Variants in API5 observed in about 807,000 individuals in gnomAD.
API5 encodes the protein FIF.
In API5, 6 loss-of-function variants were observed where a neutral mutation model predicts 71.9. That is an observed-to-expected ratio of 0.08 (90% CI 0.05 to 0.16). The LOEUF is 0.16. Ranked by LOEUF, API5 falls within the 10% of genes least tolerant of loss-of-function variation. The probability of loss-of-function intolerance (pLI) is 1.00; values close to 1 mark genes in which losing one functional copy is unlikely to be tolerated. For synonymous variants in API5, 189 were observed against 221.3 expected, an observed-to-expected ratio of 0.85 and a Z score of 1.30; for missense variants, 332 against 612.8, an observed-to-expected ratio of 0.54 and a Z score of 4.84.
intron 1 of API5, among the ~76,000 whole-genome samples, chr11:43,313,762 T>C (rs1313885841): frequency 6.6e-6 from 1 of 151,936 alleles, no homozygotes; most frequent in Admixed American, 6.6e-5. Context: ...AGTGTGTAGG[T>C]CGGTTGTGAA....
intron 12 of API5, 31 bp downstream of exon 12, chr11:43,335,385 G>T: frequency 2.2e-6 from 3 of 1,383,512 alleles, no homozygotes; most frequent in South Asian, 1.2e-5. Context: ...AGATTTAAGT[G>T]TTATCAAAAC....
intron 5 of API5, 46 bp downstream of exon 5, chr11:43,322,182 G>A (rs1411574217): frequency 2.0e-6 from 3 of 1,534,390 alleles, no homozygotes; most frequent in South Asian, 1.3e-5. Flanking sequence ...AAGCAAAAGA[G>A]CATACTTGAC....
At chr11:43,320,747 AAAG>A in intron 2 of API5, 71 bp from the exon 3 acceptor site, 1 of 1,260,376 alleles carries the variant, frequency 7.9e-7, no homozygotes, top group South Asian at 1.3e-5. Flanking sequence ...AAAAAAAAAG[AAAG>A]AAAAGAAAAA....
At chr11:43,336,261 A>G (rs1286316027) in intron 13 of API5, 3 of 435,440 alleles carry the variant, frequency 6.9e-6, no homozygotes, top group Non-Finnish European at 8.0e-6. Context: ...ACCAACAGAA[A>G]CAAAATAAGT....
chr11:43,340,027 A>G (rs992482885), intron 13 of API5, among the ~76,000 whole-genome samples: 2 of 152,166 alleles, frequency 1.3e-5, no homozygotes, highest in Non-Finnish European at 2.9e-5. Flanking sequence ...ACATGATGTT[A>G]TATATATAAA....
At chr11:43,328,671 T>C (rs1393177603) in intron 8 of API5, 41 bp from the exon 9 acceptor site, 1 of 1,548,890 alleles carries the variant, frequency 6.5e-7, no homozygotes, top group Non-Finnish European at 8.9e-7. Flanking sequence ...AATTTGAATA[T>C]GTAGAACAGA....
At position 43,328,855 on chromosome 11, in the gene API5, C is replaced by G. The variant is rs770908574; in HGVS notation, c.1089C>G (p.Ala363=). ...LGRKLPDFLT[A]KLNAEKLKDF... Reference sequence around the variant, plus strand: ...GAAAACTTCCAGATTTCTTAACAGCCAAACTGAATGCAGAAAAGCTCAAAG... The same window carrying G: ...GAAAACTTCCAGATTTCTTAACAGCGAAACTGAATGCAGAAAAGCTCAAAG... Residue 363 remains alanine (A), a synonymous_variant, in exon 9 of 14, where the codon GCC becomes GCG. Transcript: ENST00000531273. 6.2e-7 allele frequency: 1 copy of G among 1,613,750 alleles called. No individual in the cohort carries two copies. The highest frequency in any genetic ancestry group is 1.3e-5 in the African/African-American group (1 of 74,776).
rs758561011 is a variant in API5, at chr11:43,323,491, A to G, written c.605A>G (p.Lys202Arg). 7.4e-6 allele frequency: 12 copies of G among 1,614,148 alleles called. No individual in the cohort carries two copies. In the Middle Eastern group the frequency reaches 9.9e-4, roughly 133 times the overall value. The change falls in exon 6 of 14, where the codon AAA (lysine) becomes AGA (arginine). Residue 202 changes from lysine to arginine, a missense_variant. By Grantham distance (26) the Lys-to-Arg change is conservative. Transcript: ENST00000531273. ...VLFMKILSGLKSLQTVSGRQQ... is the reference protein window; with the variant it reads ...VLFMKILSGLRSLQTVSGRQQ... The stretch of plus-strand genomic sequence containing the variant: ...TTTATGAAGATACTGTCTGGGTTAA[A>G]AAGCTTACAGACAGTGAGTGGAAGA...
At chr11:43,324,030 T>G (rs971993261) in intron 6 of API5, among the ~76,000 whole-genome samples, 9 of 152,100 alleles carry the variant, frequency 5.9e-5, no homozygotes, top group Admixed American at 2.6e-4. Context: ...ATTTTTTTTT[T>G]CCTTTGAGAC....
chr11:43,328,926 C>T, intron 9 of API5, 33 bp downstream of exon 9: 1 of 1,608,400 alleles, frequency 6.2e-7, no homozygotes, highest in Non-Finnish European at 8.5e-7. Flanking sequence ...CAATCCTTGG[C>T]AAAGGTGGTA....
At chr11:43,317,339 T>C (rs1304007484) in intron 1 of API5, among the ~76,000 whole-genome samples, 1 of 152,206 alleles carries the variant, frequency 6.6e-6, no homozygotes, top group Non-Finnish European at 1.5e-5. Flanking sequence ...TGGGAACTTA[T>C]TGATTCCTCC....
chr11:43,321,544 T>C (rs1854890941), intron 4 of API5, 68 bp downstream of exon 4: 3 of 1,276,248 alleles, frequency 2.4e-6, no homozygotes, highest in Non-Finnish European at 3.4e-6. Context: ...GTGTTACTCA[T>C]TAAGAATAAA....
chr11:43,342,856 G>T lies in API5; in HGVS notation c.*346G>T. On this transcript the variant is annotated 3_prime_UTR_variant, in exon 14 of 14. Coordinates refer to ENST00000531273, the MANE Select transcript of API5 (RefSeq NM_001142930.2). Reference sequence around the variant, plus strand: ...AATTCAGTCTAGTTCTGCTGATAAAGATCATCAGTTTTGAAAGGTTACTGA... The same window carrying T: ...AATTCAGTCTAGTTCTGCTGATAAATATCATCAGTTTTGAAAGGTTACTGA... 3.7e-6 allele frequency: 2 copies of T among 545,526 alleles called. No homozygotes were observed. The highest frequency in any genetic ancestry group is 6.4e-6 in the Non-Finnish European group (2 of 310,264). The allele number at this position is 545,526 out of a possible 1,614,324, so 33.8% of individuals were successfully genotyped here.
intron 2 of API5, chr11:43,319,083 T>C (rs1854776102): frequency 6.1e-6 from 2 of 328,550 alleles, no homozygotes; most frequent in African/African-American, 4.2e-5. Context: ...GTTTCATAGA[T>C]TGTTATTCAT....
chr11:43,333,590 C>A (rs1565110675), intron 11 of API5, among the ~76,000 whole-genome samples: 1 of 152,092 alleles, frequency 6.6e-6, no homozygotes, highest in Non-Finnish European at 1.5e-5. Flanking sequence ...TGACTGGCTA[C>A]TATTAATACA....
chr11:43,317,780 C>T (rs536608123), intron 1 of API5, among the ~76,000 whole-genome samples: 1 of 152,214 alleles, frequency 6.6e-6, no homozygotes, highest in South Asian at 2.1e-4. Context: ...TGGGTTCAAG[C>T]GATTCTCCTG....
At chr11:43,333,523 A>T (rs1208407269) in intron 11 of API5, among the ~76,000 whole-genome samples, 1 of 152,224 alleles carries the variant, frequency 6.6e-6, no homozygotes. Flanking sequence ...TAGATATATG[A>T]CTGGCTACTA....
intron 11 of API5, among the ~76,000 whole-genome samples, chr11:43,334,379 A>G (rs1194846492): frequency 6.6e-6 from 1 of 152,142 alleles, no homozygotes; most frequent in Non-Finnish European, 1.5e-5. Context: ...ACATTATAAT[A>G]TGCAAAATCA....
At chr11:43,339,262 T>C (rs988355735) in intron 13 of API5, 2 of 152,046 alleles carry the variant, frequency 1.3e-5, no homozygotes, top group African/African-American at 4.8e-5. Flanking sequence ...AAAAAAGACA[T>C]CAAGACATCA....
Sources: allele counts gnomAD v4.1 joint callset (sites outside exome capture counted in the v4.1 genomes callset), GRCh38; gene constraint gnomAD v4.1.1; transcripts MANE v1.5; gene names NCBI Gene and HGNC (gene_info 2026-07-23, HGNC 2026-07-21).